The following ACAP2 variants were observed in gnomAD, a reference collection of about 807,000 sequenced individuals.
The protein encoded by ACAP2 is ArfGAP with coiled-coil, ankyrin repeat and PH domains 2.
A neutral mutation model predicts 115.8 loss-of-function variants in ACAP2; 39 were observed. That is an observed-to-expected ratio of 0.34 (90% confidence interval 0.26 to 0.44). The LOEUF (loss-of-function observed/expected upper bound fraction) is 0.44, where lower values mean the gene tolerates loss of function less well. ACAP2 is among the 20% of genes least tolerant of loss of function. The probability of loss-of-function intolerance (pLI) is 1.00; values close to 1 mark genes in which losing one functional copy is unlikely to be tolerated. For synonymous variants in ACAP2, 289 were observed against 315.8 expected (o/e 0.92, Z 0.90); for missense variants, 662 against 927.6 (o/e 0.71, Z 3.72).
At chr3:195,325,889 G>A (rs12630009) in intron 9 of ACAP2, among the ~76,000 whole-genome samples, 36,348 of 151,960 alleles carry the variant, frequency 0.24, 5,083 homozygotes, top group East Asian at 0.71. Context: ...AACTGTAAAC[G>A]AAACAAAATA....
At chr3:195,304,036 T>C (rs1196587161) in intron 13 of ACAP2, among the ~76,000 whole-genome samples, 2 of 151,776 alleles carry the variant, frequency 1.3e-5, no homozygotes, top group African/African-American at 4.8e-5. Flanking sequence ...TGGTGGTACA[T>C]GCCTGTAATC....
At chr3:195,292,829 C>T (rs989647259) in intron 18 of ACAP2, among the ~76,000 whole-genome samples, 2 of 142,722 alleles carry the variant, frequency 1.4e-5, no homozygotes, top group Non-Finnish European at 3.0e-5. Context: ...GACTGAGGGA[C>T]GAGAATCACT....
chr3:195,393,741 C>T (rs1324257612), intron 1 of ACAP2, among the ~76,000 whole-genome samples: 3 of 152,074 alleles, frequency 2.0e-5, no homozygotes, highest in Non-Finnish European at 2.9e-5. Flanking sequence ...CAGTGTAACG[C>T]GTTAGAAACC....
intron 1 of ACAP2, among the ~76,000 whole-genome samples, chr3:195,403,336 A>T (rs772495600): frequency 1.1e-4 from 16 of 152,248 alleles, no homozygotes; most frequent in Non-Finnish European, 2.4e-4. Context: ...CAACGATAAC[A>T]GCAGCTATAC....
intron 10 of ACAP2, among the ~76,000 whole-genome samples, chr3:195,319,192 A>G (rs1729286061): frequency 6.6e-6 from 1 of 152,260 alleles, no homozygotes; most frequent in Non-Finnish European, 1.5e-5. Context: ...CCTAGATTCC[A>G]GAGGATGTAT....
At chr3:195,387,121 G>A (rs1013745774) in intron 2 of ACAP2, among the ~76,000 whole-genome samples, 14 of 152,112 alleles carry the variant, frequency 9.2e-5, no homozygotes, top group African/African-American at 3.4e-4. Context: ...TGAAGAGGGA[G>A]GGAGGCAGAA....
At chr3:195,422,785 C>T (rs768108166) in intron 1 of ACAP2, among the ~76,000 whole-genome samples, 2 of 152,138 alleles carry the variant, frequency 1.3e-5, no homozygotes, top group African/African-American at 4.8e-5. Context: ...CTCCAAAATC[C>T]TTAACATGAC....
chr3:195,374,888 G>C (rs1424388711), intron 4 of ACAP2, among the ~76,000 whole-genome samples: 1 of 151,544 alleles, frequency 6.6e-6, no homozygotes, highest in Non-Finnish European at 1.5e-5. Flanking sequence ...AGCAAGCTCA[G>C]CCTTATTTTT....
At chr3:195,419,858 T>C (rs1282824509) in intron 1 of ACAP2, among the ~76,000 whole-genome samples, 1 of 152,204 alleles carries the variant, frequency 6.6e-6, no homozygotes, top group Non-Finnish European at 1.5e-5. Flanking sequence ...AGTCTGTCTT[T>C]GGATTTTTAA....
At chr3:195,357,444 C>A (rs1204337006) in intron 4 of ACAP2, among the ~76,000 whole-genome samples, 2 of 152,164 alleles carry the variant, frequency 1.3e-5, no homozygotes, top group Non-Finnish European at 2.9e-5. Context: ...TTCAGCCACT[C>A]TTGAAATAAT....
chr3:195,375,638 C>G lies in ACAP2; in HGVS notation c.285+5371G>C, dbSNP rs113626463. On this transcript the variant is annotated intron_variant, in intron 4 of 22. Transcript: ENST00000326793. The stretch of plus-strand genomic sequence containing the variant: ...ACCAGCCTGGACAACACAGCAAGAC[C>G]CCATCTCAACAAAAAAATTAAAAAT... 4.7e-3 allele frequency among the ~76,000 whole-genome samples: 713 copies of G among 152,142 alleles called. 6 individuals are homozygous for G. Among genetic ancestry groups the G allele is most frequent in the African/African-American group, 0.016 (673 of 41,512 alleles).
intron 1 of ACAP2, among the ~76,000 whole-genome samples, chr3:195,435,049 C>T (rs1715427965): frequency 6.6e-6 from 1 of 151,860 alleles, no homozygotes; most frequent in African/African-American, 2.4e-5. Context: ...TTATTTTTCT[C>T]AATTGTTCTC....
intron 1 of ACAP2, among the ~76,000 whole-genome samples, chr3:195,435,743 T>C (rs892404806): frequency 1.4e-4 from 21 of 152,190 alleles, no homozygotes; most frequent in African/African-American, 5.1e-4. Context: ...TTAAAATTTA[T>C]TGAGGCTTGT....
chr3:195,315,857 C>A lies in ACAP2; in HGVS notation c.857+4844G>T, dbSNP rs112216462. ...TTTTAGCTGCATTTTAATATCTATG[C>A]CAATGTAATTCAGAAAATTAATCAT... On this transcript the variant is annotated intron_variant, in intron 10 of 22. Transcript: ENST00000326793. Among the ~76,000 whole-genome samples, 63 of 152,190 alleles carry A rather than the reference C, an allele frequency of 4.1e-4. No homozygotes were observed. In the Middle Eastern group the frequency reaches 0.017, roughly 41 times the overall value.
At chr3:195,299,837 C>CA (rs1038741502) in intron 15 of ACAP2, among the ~76,000 whole-genome samples, 6 of 150,272 alleles carry the variant, frequency 4.0e-5, no homozygotes, top group Non-Finnish European at 5.9e-5. Context: ...GACTCCCTCT[C>CA]AAAAAAAAGA....
intron 1 of ACAP2, among the ~76,000 whole-genome samples, chr3:195,425,667 T>TA (rs535837291): frequency 6.2e-4 from 95 of 152,276 alleles, no homozygotes; most frequent in Non-Finnish European, 6.3e-4. Context: ...ACTTAACATG[T>TA]AAAAAATATA....
At chr3:195,323,584 A>G (rs145988303) in intron 9 of ACAP2, among the ~76,000 whole-genome samples, 1,960 of 152,292 alleles carry the variant, frequency 0.013, 34 homozygotes, top group African/African-American at 0.043. Flanking sequence ...ATTAATTTTG[A>G]TTCATACAAA....
At chr3:195,370,399 A>G (rs750557694) in intron 4 of ACAP2, among the ~76,000 whole-genome samples, 1 of 152,108 alleles carries the variant, frequency 6.6e-6, no homozygotes, top group Non-Finnish European at 1.5e-5. Flanking sequence ...TCTTTAATCC[A>G]TCTTGAGTTG....
intron 4 of ACAP2, among the ~76,000 whole-genome samples, 187 bp from the exon 5 acceptor site, chr3:195,345,504 C>T (rs2108656098): frequency 6.6e-6 from 1 of 152,246 alleles, no homozygotes; most frequent in East Asian, 1.9e-4. Flanking sequence ...AATTTCATCT[C>T]TCAGAAATAA....
Sources: gnomAD v4.1 joint callset for allele counts (sites outside exome capture counted in the v4.1 genomes callset) on GRCh38, gnomAD v4.1.1 for gene constraint, MANE v1.5 for transcripts, NCBI Gene and HGNC (gene_info 2026-07-23, HGNC 2026-07-21) for gene names.